The following MOV10L1 variants were observed in gnomAD, a reference collection of about 807,000 sequenced individuals.
MOV10L1 encodes the protein Mov10 like RNA helicase 1, also known as RNA helicase Mov10l1.
MOV10L1 carries 110 observed loss-of-function variants against 143.8 expected under a neutral mutation model. The observed-to-expected ratio is 0.76, with a 90% CI of 0.66 to 0.90. The LOEUF is 0.90. Ranked by LOEUF, MOV10L1 falls within the 40% of genes least tolerant of loss-of-function variation. The probability of loss-of-function intolerance (pLI) is 0.00; values close to 1 mark genes in which losing one functional copy is unlikely to be tolerated. For synonymous variants in MOV10L1, 593 were observed against 581.1 expected, an observed-to-expected ratio of 1.02 and a Z score of -0.29; for missense variants, 1,406 against 1,526.8, an observed-to-expected ratio of 0.92 and a Z score of 1.32.
chr22:50,121,554 T>A (rs1180387301), intron 10 of MOV10L1, among the ~76,000 whole-genome samples: 1 of 152,234 alleles, frequency 6.6e-6, no homozygotes, highest in African/African-American at 2.4e-5. Flanking sequence ...ACTGCCGTGA[T>A]AGAAACAAGT....
intron 15 of MOV10L1, among the ~76,000 whole-genome samples, chr22:50,136,920 A>G (rs762991367): frequency 2.6e-5 from 4 of 152,182 alleles, no homozygotes; most frequent in Non-Finnish European, 5.9e-5. Context: ...CGTAATTCAC[A>G]TGTAGAATCC....
intron 12 of MOV10L1, 133 bp from the exon 13 acceptor site, chr22:50,128,283 A>G: frequency 3.3e-6 from 2 of 610,196 alleles, no homozygotes; most frequent in Middle Eastern, 3.8e-4. Context: ...GTAATGATTT[A>G]ATCCTTTTCA....
At chr22:50,129,346 C>CA (rs34531635) in intron 13 of MOV10L1, among the ~76,000 whole-genome samples, 3 of 152,044 alleles carry the variant, frequency 2.0e-5, no homozygotes, top group Admixed American at 1.3e-4. Flanking sequence ...TAGTCATGCA[C>CA]AAAAAATGTA....
chr22:50,161,674 T>G lies in MOV10L1; in HGVS notation c.*225T>G. On this transcript the variant is annotated 3_prime_UTR_variant, in exon 27 of 27. Transcript: ENST00000262794. ...CTGCCGCCTACCCTGAAATAAACCCTCGAGTGACCCCCAGAAGCCTTTCCA... is the reference window on the plus strand; with the variant it reads ...CTGCCGCCTACCCTGAAATAAACCCGCGAGTGACCCCCAGAAGCCTTTCCA... 2.0e-6 allele frequency: 1 copy of G among 504,786 alleles called. No homozygotes were observed. Among genetic ancestry groups the G allele is most frequent in the Non-Finnish European group, 3.5e-6 (1 of 283,318 alleles). The allele number at this position is 504,786 out of a possible 1,614,324, so 31.3% of individuals were successfully genotyped here. A position where few individuals can be genotyped will look rare whatever the true frequency, so the allele number is the denominator to read the frequency against.
chr22:50,153,332 C>A, intron 22 of MOV10L1, 114 bp downstream of exon 22: 1 of 1,280,504 alleles, frequency 7.8e-7, no homozygotes, highest in Non-Finnish European at 1.1e-6. Flanking sequence ...AGATGTTCTG[C>A]TGGTCTCCAG....
intron 3 of MOV10L1, among the ~76,000 whole-genome samples, chr22:50,100,072 A>G (rs909867684): frequency 1.3e-5 from 2 of 151,862 alleles, no homozygotes; most frequent in Non-Finnish European, 1.5e-5. Context: ...GCTCACTGCA[A>G]CCTCTGCTTC....
rs200767181 is a variant in MOV10L1 at position 50,108,754 on chromosome 22, G to C, written c.653G>C (p.Arg218Pro). The C allele has an allele frequency of 2.5e-6, 4 of 1,614,210 alleles. No homozygotes were observed. The highest frequency in any genetic ancestry group is 4.5e-5 in the East Asian group (2 of 44,890). Reference protein sequence around the residue: ...SLKLPDGYTPRRGDVVNAVVV... With the variant: ...SLKLPDGYTPPRGDVVNAVVV... ...AAACTGCCAGATGGGTACACACCCCGGAGAGGTGACGTGGTCAATGCAGTG... is the reference window on the plus strand; with the variant it reads ...AAACTGCCAGATGGGTACACACCCCCGAGAGGTGACGTGGTCAATGCAGTG... The change falls in exon 5 of 27, where the codon CGG becomes CCG. Residue 218 changes from arginine to proline, a missense_variant. By Grantham distance (103) the Arg-to-Pro change is moderately radical. Coordinates refer to ENST00000262794, the MANE Select transcript of MOV10L1 (RefSeq NM_018995.3).
intron 9 of MOV10L1, among the ~76,000 whole-genome samples, chr22:50,117,981 A>C (rs1256923812): frequency 6.6e-6 from 1 of 152,120 alleles, no homozygotes; most frequent in Non-Finnish European, 1.5e-5. Context: ...GTCCCGTGTG[A>C]TGTGACTTTT....
chr22:50,148,476 C>A (rs115654701), intron 19 of MOV10L1, among the ~76,000 whole-genome samples: 3,406 of 152,250 alleles, frequency 0.022, 147 homozygotes, highest in African/African-American at 0.076. Context: ...AAAATCCCCA[C>A]CCCGTCCATC....
chr22:50,125,734 C>A (rs1485529302), intron 11 of MOV10L1, among the ~76,000 whole-genome samples, 165 bp downstream of exon 11: 1 of 151,956 alleles, frequency 6.6e-6, no homozygotes, highest in African/African-American at 2.4e-5. Context: ...AAGCATGTTT[C>A]TTTGTTGTAT....
intron 22 of MOV10L1, among the ~76,000 whole-genome samples, chr22:50,153,564 G>A (rs1003906987): frequency 3.9e-5 from 6 of 152,168 alleles, no homozygotes; most frequent in African/African-American, 1.4e-4. Flanking sequence ...AGGGCCGCAG[G>A]AAGCTCCCAG....
Position 50,149,609 on chromosome 22 carries a change from C to G in MOV10L1, c.2628-6C>G. On this transcript the variant is annotated splice_region_variant and splice_polypyrimidine_tract_variant and intron_variant, in intron 19 of 26. Transcript: ENST00000262794. ...GAAATTACCATTTAGAACATCTTTG[C>G]TCTAGAGTTGGGCACTTCACTCACG... 1 of 1,613,560 alleles carries G rather than the reference C, an allele frequency of 6.2e-7. No homozygotes were observed. The highest frequency in any genetic ancestry group is 8.5e-7 in the Non-Finnish European group (1 of 1,179,514).
At chr22:50,091,782 G>T (rs1356617405) in intron 1 of MOV10L1, among the ~76,000 whole-genome samples, 1 of 152,174 alleles carries the variant, frequency 6.6e-6, no homozygotes, top group Non-Finnish European at 1.5e-5. Flanking sequence ...CACTACCTGT[G>T]CCCTTCTGAG....
Position 50,159,820 on chromosome 22 carries a change from C to A in MOV10L1, c.3324+35C>A. On this transcript the variant is annotated intron_variant, in intron 24 of 26. Coordinates refer to ENST00000262794, the MANE Select transcript of MOV10L1 (RefSeq NM_018995.3). This position sits in a 1 kb window ranked among gnomAD's most constrained non-coding sequence, Gnocchi z 4.1. ...CCTGTTCTCCGTGGGGATGGACAGT[C>A]AGGTGCTTGCTGCCCTGGGGGTTCT... The A allele has an allele frequency of 7.1e-7, 1 of 1,416,642 alleles. No homozygotes were observed. The highest frequency in any genetic ancestry group is 9.9e-7 in the Non-Finnish European group (1 of 1,005,542). 87.8% of individuals were successfully genotyped at this position (1,416,642 alleles called of 1,614,324 possible).
At chr22:50,120,451 G>A in intron 9 of MOV10L1, 51 bp from the exon 10 acceptor site, 1 of 1,153,244 alleles carries the variant, frequency 8.7e-7, no homozygotes, top group East Asian at 2.3e-5. Context: ...AATGTCTAGT[G>A]ATACCTGGTG....
intron 2 of MOV10L1, chr22:50,094,752 T>G (rs1202903573): frequency 2.0e-5 from 3 of 152,128 alleles, no homozygotes; most frequent in African/African-American, 7.2e-5. Flanking sequence ...AACTACTTTT[T>G]AAAAATACTT....
intron 13 of MOV10L1, among the ~76,000 whole-genome samples, chr22:50,130,662 G>A (rs1041617939): frequency 7.0e-6 from 1 of 143,560 alleles, no homozygotes; most frequent in Non-Finnish European, 1.5e-5. Context: ...GAAGGAAGGG[G>A]CAGCTGTGTT....
intron 2 of MOV10L1, among the ~76,000 whole-genome samples, chr22:50,097,499 A>G (rs1345582781): frequency 1.3e-5 from 2 of 151,236 alleles, no homozygotes; most frequent in East Asian, 1.9e-4. Context: ...TCCCAGCACT[A>G]TTTTTTTTTG....
intron 10 of MOV10L1, among the ~76,000 whole-genome samples, chr22:50,125,158 C>T (rs965130277): frequency 1.3e-5 from 2 of 152,184 alleles, no homozygotes; most frequent in Admixed American, 1.3e-4. Flanking sequence ...GGGACACCGC[C>T]AGCTGGAGCC....
Sources: gnomAD v4.1 joint callset for allele counts (sites outside exome capture counted in the v4.1 genomes callset) on GRCh38, gnomAD v4.1.1 for gene constraint, Gnocchi (gnomAD v3.1) non-coding constraint, MANE v1.5 for transcripts, NCBI Gene and HGNC (gene_info 2026-07-23, HGNC 2026-07-21) for gene names.